AGAP1: variants seen among roughly 807,000 people sequenced by gnomAD.
AGAP1 encodes arf-GAP with GTPase, ANK repeat and PH domain-containing protein 1.
AGAP1 carries 29 observed loss-of-function variants against 105.3 expected under a neutral mutation model. That is an observed-to-expected ratio of 0.28 (90% CI 0.21 to 0.38). AGAP1 has a LOEUF of 0.38. Among genes scored for constraint, AGAP1 ranks in the 10% least tolerant of loss-of-function variants. The pLI is 1.00. For synonymous variants in AGAP1, 509 were observed against 485.9 expected, an observed-to-expected ratio of 1.05 and a Z score of -0.63; for missense variants, 998 against 1,165.1, an observed-to-expected ratio of 0.86 and a Z score of 2.09.
At position 235,514,094 on chromosome 2, in the gene AGAP1, G is replaced by A. The variant is rs910833199; in HGVS notation, c.163+19245G>A. Among the ~76,000 whole-genome samples, 7 of 152,172 alleles carry A rather than the reference G, an allele frequency of 4.6e-5. No individual in the cohort carries two copies. The East Asian group carries it at 5.8e-4, about 13-fold the overall frequency. ...ACAGAACACATGTATCTGTATTTAC[G>A]TGACTGAGCACAGGCGATTTCCCCG... On this transcript the variant is annotated intron_variant, in intron 1 of 17. Coordinates refer to ENST00000304032, the MANE Select transcript of AGAP1 (RefSeq NM_001037131.3).
rs1200778662 is a variant in AGAP1, at chr2:235,872,581, C to T, written c.1051-10764C>T. On this transcript the variant is annotated intron_variant, in intron 9 of 17. Coordinates refer to ENST00000304032, the MANE Select transcript of AGAP1 (RefSeq NM_001037131.3). This position sits in a 1 kb window ranked among gnomAD's most constrained non-coding sequence, Gnocchi z 4.5. Reference sequence around the variant, plus strand: ...TGTCATCTTCTGGCCAGTAGGATCACGGCTTCATGTCCTCTAAAAGTTTCA... The same window carrying T: ...TGTCATCTTCTGGCCAGTAGGATCATGGCTTCATGTCCTCTAAAAGTTTCA... 6.6e-5 allele frequency among the ~76,000 whole-genome samples: 10 copies of T among 152,184 alleles called. No homozygotes were observed. Among genetic ancestry groups the T allele is most frequent in the African/African-American group, 1.7e-4 (7 of 41,444 alleles).
At chr2:235,497,289 GCAGGAACC>G (rs1941358214) in intron 1 of AGAP1, among the ~76,000 whole-genome samples, 1 of 152,146 alleles carries the variant, frequency 6.6e-6, no homozygotes, top group African/African-American at 2.4e-5. Flanking sequence ...CATGTGGATG[GCAGGAACC>G]CAGTGCTGGC....
chr2:235,686,662 TATA>T (rs1559351283), intron 1 of AGAP1, among the ~76,000 whole-genome samples: 59 of 75,318 alleles, frequency 7.8e-4, no homozygotes, highest in African/African-American at 2.3e-3. Context: ...TATATATATA[TATA>T]TTTTTTTTTT....
chr2:235,818,499 A>G (rs1182337444), intron 9 of AGAP1, among the ~76,000 whole-genome samples: 1 of 152,112 alleles, frequency 6.6e-6, no homozygotes, highest in Non-Finnish European at 1.5e-5. Flanking sequence ...CTAGAGTGCA[A>G]TGGCATGATC....
intron 6 of AGAP1, among the ~76,000 whole-genome samples, chr2:235,764,530 C>G (rs1051687987): frequency 2.0e-5 from 3 of 152,254 alleles, no homozygotes; most frequent in African/African-American, 4.8e-5. Context: ...GATTTCAGAA[C>G]TCAGTCACTG....
rs1955279019 is a variant in AGAP1 at position 235,769,852 on chromosome 2, C to G, written c.673+19364C>G. 6.6e-6 allele frequency among the ~76,000 whole-genome samples: 1 copy of G among 152,144 alleles called. No individual in the cohort carries two copies. The highest frequency in any genetic ancestry group is 1.5e-5 in the Non-Finnish European group (1 of 68,036). On this transcript the variant is annotated intron_variant, in intron 6 of 17. Transcript: ENST00000304032. This position sits in a 1 kb window ranked among gnomAD's most constrained non-coding sequence, Gnocchi z 4.4. ...GGCACAGGGGAGGGAGGACATGGCC[C>G]TCGGCTGCCAAGGAGCATCCAGTCC...
chr2:236,058,181 A>C lies in AGAP1; in HGVS notation c.2114+8900A>C, dbSNP rs961408951. Among the ~76,000 whole-genome samples, 5 of 152,190 alleles carry C rather than the reference A, an allele frequency of 3.3e-5. No individual in the cohort carries two copies. Among genetic ancestry groups the C allele is most frequent in the Non-Finnish European group, 7.3e-5 (5 of 68,038 alleles). ...GTTTGAGACACTCTGGTCTGCACTA[A>C]GTAGTAAAAATAAAAGTCCACAATC... On this transcript the variant is annotated intron_variant, in intron 16 of 17. Transcript: ENST00000304032. The surrounding 1 kb of genome is among the most constrained non-coding windows in gnomAD (Gnocchi z 4.6).
At chr2:235,504,879 C>T (rs1941728058) in intron 1 of AGAP1, among the ~76,000 whole-genome samples, 1 of 152,198 alleles carries the variant, frequency 6.6e-6, no homozygotes, top group Non-Finnish European at 1.5e-5. Context: ...GGATTGTCTG[C>T]AGGCTATTAA....
In AGAP1 at chr2:235,786,690, A is replaced by G. The variant is rs182823518; in HGVS notation, c.674-11069A>G. 1.2e-3 allele frequency among the ~76,000 whole-genome samples: 176 copies of G among 152,346 alleles called. 5 individuals carry two copies. The highest frequency in any genetic ancestry group is 0.011 in the Admixed American group (174 of 15,306). ...CCATTTTTCTGGAAAATGAAAAGCT[A>G]TCTGAAGGAGAATGTGCCTGTGACA... On this transcript the variant is annotated intron_variant, in intron 6 of 17. Transcript: ENST00000304032.
At chr2:236,031,953 T>G (rs1011830344) in intron 13 of AGAP1, among the ~76,000 whole-genome samples, 17 of 152,192 alleles carry the variant, frequency 1.1e-4, no homozygotes, top group Admixed American at 1.1e-3. Flanking sequence ...GTTCTGGGCC[T>G]GCCGTTCACT....
chr2:235,826,141 T>C (rs1428968590), intron 9 of AGAP1, among the ~76,000 whole-genome samples: 1 of 152,194 alleles, frequency 6.6e-6, no homozygotes. Context: ...TTGGCTCCAG[T>C]AGAAGGAGAA....
Position 235,633,198 on chromosome 2 carries a change from C to T in AGAP1, c.164-75981C>T, listed in dbSNP as rs1287381119. ...TACTTGATCCTGGTTTTACGGCATG[C>T]GGGAGCCTACGGAATGAAGACCCGA... On this transcript the variant is annotated intron_variant, in intron 1 of 17. Coordinates refer to ENST00000304032, the MANE Select transcript of AGAP1 (RefSeq NM_001037131.3). The surrounding 1 kb of genome is among the most constrained non-coding windows in gnomAD (Gnocchi z 4.8). Among the ~76,000 whole-genome samples the T allele has an allele frequency of 1.3e-5, 2 of 152,088 alleles. No homozygotes were observed. The highest frequency in any genetic ancestry group is 4.8e-5 in the African/African-American group (2 of 41,404).
rs887781166 is a variant in AGAP1 at position 235,874,424 on chromosome 2, G to C, written c.1051-8921G>C. On this transcript the variant is annotated intron_variant, in intron 9 of 17. Transcript: ENST00000304032. This position sits in a 1 kb window ranked among gnomAD's most constrained non-coding sequence, Gnocchi z 4.5. ...GGAAGTTGGCTTAACTGGGGGCGCT[G>C]CAGCAGCTTCTCAGACATGGCTGCC... Among the ~76,000 whole-genome samples the C allele has an allele frequency of 5.3e-5, 8 of 152,348 alleles. No homozygotes were observed. Among genetic ancestry groups the C allele is most frequent in the Middle Eastern group, 6.8e-3 (2 of 294 alleles).
At chr2:235,645,729 G>C (rs748047685) in intron 1 of AGAP1, among the ~76,000 whole-genome samples, 5 of 152,100 alleles carry the variant, frequency 3.3e-5, no homozygotes, top group Admixed American at 3.3e-4. Flanking sequence ...GAGTGTCCAG[G>C]GGAAGGAGAA....
chr2:235,566,436 A>G lies in AGAP1; in HGVS notation c.163+71587A>G, dbSNP rs1574860061. 1 of 339,428 alleles carries G rather than the reference A, an allele frequency of 2.9e-6. No individual in the cohort carries two copies. Among genetic ancestry groups the G allele is most frequent in the Non-Finnish European group, 4.2e-6 (1 of 239,738 alleles). The allele number at this position is 339,428 out of a possible 1,614,324, so 21.0% of individuals were successfully genotyped here. A position where few individuals can be genotyped will look rare whatever the true frequency, so the allele number is the denominator to read the frequency against. ...AAGGACTGCCGCATGCATAGCTGCT[A>G]TTATTAACTCGAGATCAATATTGAT... On this transcript the variant is annotated intron_variant, in intron 1 of 17. Transcript: ENST00000304032. This position sits in a 1 kb window ranked among gnomAD's most constrained non-coding sequence, Gnocchi z 5.2.
chr2:235,803,047 T>C (rs1235110087), intron 8 of AGAP1, among the ~76,000 whole-genome samples: 11 of 145,620 alleles, frequency 7.6e-5, no homozygotes, highest in Non-Finnish European at 9.1e-5. Context: ...GTGATGATGG[T>C]TGTGGTGATG....
intron 1 of AGAP1, among the ~76,000 whole-genome samples, chr2:235,708,511 A>C (rs1309767863): frequency 6.6e-6 from 1 of 152,060 alleles, no homozygotes; most frequent in Non-Finnish European, 1.5e-5. Flanking sequence ...TCTGTAGACC[A>C]CCCCATGGAG....
intron 8 of AGAP1, among the ~76,000 whole-genome samples, chr2:235,805,171 C>T (rs572795621): frequency 2.6e-5 from 4 of 152,254 alleles, no homozygotes; most frequent in Non-Finnish European, 4.4e-5. Flanking sequence ...TGACTGTCTC[C>T]GGCAAATTGT....
rs190613936 is a variant in AGAP1 at position 235,914,740 on chromosome 2, T to A, written c.1324+5834T>A. 4.6e-5 allele frequency among the ~76,000 whole-genome samples: 7 copies of A among 152,206 alleles called. No individual in the cohort carries two copies. The East Asian group carries it at 1.4e-3, about 30-fold the overall frequency. ...ATTGAGGAGAGCAGAGGAGCTGCAA[T>A]GGTGATGGGGTGGCTCTGGGTTCCT... On this transcript the variant is annotated intron_variant, in intron 11 of 17. Transcript: ENST00000304032.
Sources: allele counts gnomAD v4.1 joint callset (sites outside exome capture counted in the v4.1 genomes callset), GRCh38; gene constraint gnomAD v4.1.1; non-coding constraint Gnocchi (gnomAD v3.1); transcripts MANE v1.5; gene names NCBI Gene and HGNC (gene_info 2026-07-23, HGNC 2026-07-21).